SHISAL1: variants seen among roughly 807,000 people sequenced by gnomAD.
SHISAL1 encodes protein shisa-like-1.
In SHISAL1, 9 loss-of-function variants were observed where a neutral mutation model predicts 22.6. The observed-to-expected ratio is 0.40, with a 90% confidence interval of 0.24 to 0.70. SHISAL1 has a LOEUF of 0.70. Ranked by LOEUF, SHISAL1 falls within the 30% of genes least tolerant of loss-of-function variation. The probability of loss-of-function intolerance (pLI) is 0.39; values close to 1 mark genes in which losing one functional copy is unlikely to be tolerated. For missense variants in SHISAL1, 246 were observed against 270.6 expected (o/e 0.91, Z 0.64); for synonymous variants, 119 against 115.4 (o/e 1.03, Z -0.20).
upstream of SHISAL1, among the ~76,000 whole-genome samples, chr22:44,313,420 C>T (rs1306458209): frequency 6.6e-6 from 1 of 152,210 alleles, no homozygotes; most frequent in African/African-American, 2.4e-5. Context: ...CGAGAGCCCA[C>T]AGAGGGTGTG....
At chr22:44,295,190 G>T (rs569922706) in intron 3 of SHISAL1, among the ~76,000 whole-genome samples, 9 of 151,826 alleles carry the variant, frequency 5.9e-5, no homozygotes, top group Non-Finnish European at 1.0e-4. Context: ...TATAGCCAGA[G>T]CAAGTGAAGC....
intron 1 of SHISAL1, among the ~76,000 whole-genome samples, chr22:44,305,215 A>G (rs1245508432): frequency 6.6e-6 from 1 of 152,190 alleles, no homozygotes; most frequent in Admixed American, 6.5e-5. Context: ...TCATTTATCC[A>G]TTCACTTATT....
At chr22:44,281,618 G>C (rs373957392) in intron 4 of SHISAL1, among the ~76,000 whole-genome samples, 1 of 152,160 alleles carries the variant, frequency 6.6e-6, no homozygotes, top group African/African-American at 2.4e-5. Context: ...GCACTTTGTC[G>C]CAGGTGCGGT....
At chr22:44,300,838 C>G in intron 2 of SHISAL1, 41 bp downstream of exon 2, 1 of 1,569,506 alleles carries the variant, frequency 6.4e-7, no homozygotes, top group Non-Finnish European at 8.8e-7. Flanking sequence ...GCCCACACCC[C>G]CACGTGCCGC....
intron 3 of SHISAL1, among the ~76,000 whole-genome samples, chr22:44,291,399 T>TGGC (rs2055351635): frequency 6.6e-6 from 1 of 152,230 alleles, no homozygotes; most frequent in Admixed American, 6.5e-5. Context: ...GTGTGCTGTG[T>TGGC]GGCTGCAGGC....
chr22:44,269,470 ACG>A (rs68034933), intron 4 of SHISAL1, among the ~76,000 whole-genome samples: 5,352 of 79,790 alleles, frequency 0.067, 337 homozygotes, highest in African/African-American at 0.2. Context: ...CGCCCACAAC[ACG>A]CGCACACACA....
the SHISAL1 span, among the ~76,000 whole-genome samples, chr22:44,322,086 G>A: frequency 6.6e-6 from 1 of 152,202 alleles, no homozygotes; most frequent in African/African-American, 2.4e-5. Context: ...CCAGCAGAAA[G>A]AACAGAAGCC....
At chr22:44,318,984 C>G in the SHISAL1 span, among the ~76,000 whole-genome samples, 1 of 152,216 alleles carries the variant, frequency 6.6e-6, no homozygotes, top group African/African-American at 2.4e-5. Flanking sequence ...CCCAGCGTGG[C>G]TAAGGATGGA....
the SHISAL1 span, among the ~76,000 whole-genome samples, chr22:44,318,670 G>T: frequency 1.3e-5 from 2 of 152,270 alleles, no homozygotes; most frequent in Non-Finnish European, 2.9e-5. Context: ...CCCACGCTAG[G>T]TGGTTAGGAG....
chr22:44,271,182 G>C (rs2055203516), intron 4 of SHISAL1, among the ~76,000 whole-genome samples: 1 of 152,150 alleles, frequency 6.6e-6, no homozygotes, highest in Non-Finnish European at 1.5e-5. Context: ...AGCCCAGAGA[G>C]GTGATGCAAC....
At chr22:44,287,473 T>C (rs1429252418) in intron 3 of SHISAL1, among the ~76,000 whole-genome samples, 1 of 152,194 alleles carries the variant, frequency 6.6e-6, no homozygotes, top group East Asian at 1.9e-4. Context: ...CATGAGCAGC[T>C]GTAGGCCAGT....
At chr22:44,317,859 G>C (rs1479500402), upstream of SHISAL1, among the ~76,000 whole-genome samples, 1 of 152,256 alleles carries the variant, frequency 6.6e-6, no homozygotes, top group African/African-American at 2.4e-5. Flanking sequence ...CCCCAAACTA[G>C]AGATCTGTTC....
chr22:44,296,418 C>T (rs981792006), intron 3 of SHISAL1, among the ~76,000 whole-genome samples: 3 of 152,202 alleles, frequency 2.0e-5, no homozygotes, highest in Non-Finnish European at 4.4e-5. Flanking sequence ...CCTCATTCTC[C>T]CAAAGTGCTA....
chr22:44,245,566 C>G lies in SHISAL1; in HGVS notation c.*4119G>C, dbSNP rs1423412701. ...CCCGTCTCCTTGAATGGCACAGTCT[C>G]TAATAGACAGACATGGTGATTGTGA... On this transcript the variant is annotated 3_prime_UTR_variant, in exon 5 of 5. Coordinates refer to ENST00000381176, the MANE Select transcript of SHISAL1 (RefSeq NM_001099294.2). 3.3e-5 allele frequency: 5 copies of G among 152,308 alleles called. No homozygotes were observed. The highest frequency in any genetic ancestry group is 5.9e-5 in the Non-Finnish European group (4 of 68,108). 9.4% of individuals were successfully genotyped at this position (152,308 alleles called of 1,614,324 possible).
chr22:44,266,729 C>T (rs536861589), intron 4 of SHISAL1, among the ~76,000 whole-genome samples: 3 of 152,154 alleles, frequency 2.0e-5, no homozygotes, highest in Non-Finnish European at 4.4e-5. Flanking sequence ...AAAAACGCCA[C>T]TGGCGAGGTG....
chr22:44,321,753 G>T, the SHISAL1 span, among the ~76,000 whole-genome samples: 1 of 152,154 alleles, frequency 6.6e-6, no homozygotes, highest in Non-Finnish European at 1.5e-5. Context: ...GCAGGGAAGC[G>T]GGACCAACCC....
At position 44,310,159 on chromosome 22, in the gene SHISAL1, C is replaced by G. The variant is rs2055508325; in HGVS notation, c.-33+2592G>C. ...AGCCCTGCTGACCTGATGCCTAGCCCTGCAGCGGTCACATCCCCGAACCCA... is the reference window on the plus strand; with the variant it reads ...AGCCCTGCTGACCTGATGCCTAGCCGTGCAGCGGTCACATCCCCGAACCCA... On this transcript the variant is annotated intron_variant, in intron 1 of 4. Coordinates refer to ENST00000381176, the MANE Select transcript of SHISAL1 (RefSeq NM_001099294.2). This position sits in a 1 kb window ranked among gnomAD's most constrained non-coding sequence, Gnocchi z 4.0. Among the ~76,000 whole-genome samples the G allele has an allele frequency of 6.6e-6, 1 of 152,242 alleles. No individual in the cohort carries two copies. Among genetic ancestry groups the G allele is most frequent in the Admixed American group, 6.5e-5 (1 of 15,284 alleles).
chr22:44,284,371 C>T (rs566304774), intron 4 of SHISAL1, among the ~76,000 whole-genome samples: 6 of 151,992 alleles, frequency 3.9e-5, no homozygotes, highest in Non-Finnish European at 8.8e-5. Flanking sequence ...AATCTCATGC[C>T]CGAAGTCAAG....
chr22:44,284,759 G>A (rs1039485424), intron 4 of SHISAL1, among the ~76,000 whole-genome samples: 1 of 152,178 alleles, frequency 6.6e-6, no homozygotes, highest in Non-Finnish European at 1.5e-5. Context: ...GGCCGCCTGG[G>A]ATTAGGTCAG....
Sources: allele counts gnomAD v4.1 joint callset (sites outside exome capture counted in the v4.1 genomes callset), GRCh38; gene constraint gnomAD v4.1.1; non-coding constraint Gnocchi (gnomAD v3.1); transcripts MANE v1.5; gene names NCBI Gene and HGNC (gene_info 2026-07-23, HGNC 2026-07-21).